The following ZMYND11 variants were observed in gnomAD, a reference collection of about 807,000 sequenced individuals.
The protein encoded by ZMYND11 is zinc finger MYND-type containing 11.
In ZMYND11, 9 loss-of-function variants were observed where a neutral mutation model predicts 84.9. That is an observed-to-expected ratio of 0.11 (90% CI 0.06 to 0.18). The LOEUF (loss-of-function observed/expected upper bound fraction) is 0.18, where lower values mean the gene tolerates loss of function less well. Among genes scored for constraint, ZMYND11 ranks in the 10% least tolerant of loss-of-function variants. ZMYND11 has a pLI of 1.00. For missense variants in ZMYND11, 409 were observed against 761.0 expected, an observed-to-expected ratio of 0.54 and a Z score of 5.44; for synonymous variants, 250 against 244.1, an observed-to-expected ratio of 1.02 and a Z score of -0.23.
rs186088762 is a variant in ZMYND11, at chr10:137,907, G to A, written c.-20+2348G>A. On this transcript the variant is annotated intron_variant, in intron 1 of 14. Transcript: ENST00000381604. Reference sequence around the variant, plus strand: ...TTAAAGGATTTCTGTATTTCACATGGTGCTTTTCCCCCATAGAGATTGCTC... The same window carrying A: ...TTAAAGGATTTCTGTATTTCACATGATGCTTTTCCCCCATAGAGATTGCTC... 2.4e-4 allele frequency among the ~76,000 whole-genome samples: 37 copies of A among 152,206 alleles called. 1 individual carries two copies. Among genetic ancestry groups the A allele is most frequent in the African/African-American group, 8.7e-4 (36 of 41,544 alleles).
chr10:247,500 A>G, intron 12 of ZMYND11, 34 bp downstream of exon 12: 1 of 1,597,318 alleles, frequency 6.3e-7, no homozygotes, highest in Non-Finnish European at 8.6e-7. Flanking sequence ...CCAGGTGGCA[A>G]ATGAAACAGG....
chr10:138,285 AT>A (rs1216752310), intron 1 of ZMYND11, among the ~76,000 whole-genome samples: 11 of 79,226 alleles, frequency 1.4e-4, no homozygotes, highest in South Asian at 9.5e-4. Flanking sequence ...AATTTTTTGT[AT>A]TTTTAGTAGG....
upstream of ZMYND11, among the ~76,000 whole-genome samples, chr10:132,941 T>C (rs1554750232): frequency 1.3e-5 from 2 of 152,216 alleles, no homozygotes; most frequent in Admixed American, 6.5e-5. Flanking sequence ...CTGTATTCAA[T>C]TGTATAAACA....
At chr10:236,294 C>A (rs936830717) in intron 4 of ZMYND11, among the ~76,000 whole-genome samples, 9 of 152,146 alleles carry the variant, frequency 5.9e-5, no homozygotes, top group Non-Finnish European at 1.2e-4. Context: ...AATTGAGGAA[C>A]CTAATTAGCT....
At chr10:173,381 GAC>G (rs1362635754) in intron 1 of ZMYND11, among the ~76,000 whole-genome samples, 16 of 152,240 alleles carry the variant, frequency 1.1e-4, no homozygotes, top group South Asian at 2.1e-4. Context: ...ATTTGCAAAA[GAC>G]ACATCTGATA....
intron 1 of ZMYND11, among the ~76,000 whole-genome samples, chr10:163,323 A>G (rs1843315461): frequency 2.0e-5 from 3 of 152,062 alleles, no homozygotes; most frequent in Non-Finnish European, 4.4e-5. Context: ...CAGTTAGTTG[A>G]TGGGCCCTTT....
At chr10:176,280 T>A (rs1460731058) in intron 1 of ZMYND11, among the ~76,000 whole-genome samples, 2 of 152,120 alleles carry the variant, frequency 1.3e-5, no homozygotes, top group African/African-American at 4.8e-5. Context: ...CTTTTTATTT[T>A]TTTTTTTAAC....
At chr10:140,766 C>T (rs548546939) in intron 1 of ZMYND11, among the ~76,000 whole-genome samples, 39 of 152,172 alleles carry the variant, frequency 2.6e-4, no homozygotes, top group Non-Finnish European at 4.4e-4. Flanking sequence ...AATACCCTTA[C>T]GTGCACATAC....
At chr10:133,196 C>T (rs1274280515), upstream of ZMYND11, among the ~76,000 whole-genome samples, 1 of 152,218 alleles carries the variant, frequency 6.6e-6, no homozygotes, top group Non-Finnish European at 1.5e-5. Flanking sequence ...GTAGCATTAT[C>T]ACTGGAAAAG....
intron 1 of ZMYND11, among the ~76,000 whole-genome samples, chr10:169,383 C>G (rs1554764969): frequency 6.6e-6 from 1 of 152,032 alleles, no homozygotes; most frequent in African/African-American, 2.4e-5. Context: ...ATAACGTTGA[C>G]CTTTCAGCAA....
At chr10:142,587 A>G (rs1267890136) in intron 1 of ZMYND11, among the ~76,000 whole-genome samples, 1 of 152,212 alleles carries the variant, frequency 6.6e-6, no homozygotes, top group Non-Finnish European at 1.5e-5. Context: ...CCAATGTATG[A>G]CTACCACACC....
chr10:134,175 A>C (rs1214180173), upstream of ZMYND11, among the ~76,000 whole-genome samples: 3 of 152,184 alleles, frequency 2.0e-5, no homozygotes, highest in African/African-American at 7.2e-5. Flanking sequence ...GTCAGGCACA[A>C]TGAGAGATTA....
In ZMYND11 at chr10:253,790, T is replaced by C. The variant is rs555967219; in HGVS notation, c.*1320T>C. The C allele has an allele frequency of 1.7e-4, 26 of 152,776 alleles. No homozygotes were observed. Among genetic ancestry groups the C allele is most frequent in the African/African-American group, 5.3e-4 (22 of 41,578 alleles). 9.5% of individuals were successfully genotyped at this position (152,776 alleles called of 1,614,324 possible). A position where few individuals can be genotyped will look rare whatever the true frequency, so the allele number is the denominator to read the frequency against. On this transcript the variant is annotated 3_prime_UTR_variant, in exon 15 of 15. Transcript: ENST00000381604. ...TACATATTTATTTAGACCTTTGATA[T>C]TTATTAAAGCAATTACTCACAATGG...
chr10:206,420 GT>G (rs752848192), intron 2 of ZMYND11, among the ~76,000 whole-genome samples: 14 of 152,164 alleles, frequency 9.2e-5, no homozygotes, highest in Admixed American at 6.5e-5. Context: ...GCCATACTTA[GT>G]TTTTTGTCCA....
At chr10:244,290 T>C (rs952041250) in intron 10 of ZMYND11, among the ~76,000 whole-genome samples, 1 of 152,246 alleles carries the variant, frequency 6.6e-6, no homozygotes, top group Non-Finnish European at 1.5e-5. Context: ...GGCTAATTAT[T>C]CTTCTGCTAG....
At chr10:194,838 T>G (rs1479954117) in intron 2 of ZMYND11, among the ~76,000 whole-genome samples, 20 of 152,218 alleles carry the variant, frequency 1.3e-4, no homozygotes, top group Admixed American at 1.3e-3. Context: ...TCTAGAGTTC[T>G]GGAGGGATGT....
intron 3 of ZMYND11, among the ~76,000 whole-genome samples, chr10:210,317 T>A: frequency 6.6e-6 from 1 of 152,214 alleles, no homozygotes; most frequent in East Asian, 1.9e-4. Context: ...TACCCACACT[T>A]CATGGCATTC....
intron 1 of ZMYND11, among the ~76,000 whole-genome samples, chr10:175,494 G>A (rs1250953374): frequency 6.6e-6 from 1 of 152,046 alleles, no homozygotes; most frequent in African/African-American, 2.4e-5. Context: ...ACTTGAACCT[G>A]GGAGGTGGAG....
At chr10:193,007 GTTT>G (rs986169546) in intron 2 of ZMYND11, among the ~76,000 whole-genome samples, 1 of 152,036 alleles carries the variant, frequency 6.6e-6, no homozygotes, top group African/African-American at 2.4e-5. Flanking sequence ...TTTTTCCATA[GTTT>G]TATTTCTTGA....
Sources: allele counts gnomAD v4.1 joint callset (sites outside exome capture counted in the v4.1 genomes callset), GRCh38; gene constraint gnomAD v4.1.1; transcripts MANE v1.5; gene names NCBI Gene and HGNC (gene_info 2026-07-23, HGNC 2026-07-21).